The following SCRG1 variants were observed in gnomAD, a reference collection of about 807,000 sequenced individuals.
The protein encoded by SCRG1 is stimulator of chondrogenesis 1, also known as scrapie-responsive protein 1.
A neutral mutation model predicts 7.7 loss-of-function variants in SCRG1; 3 were observed. That is an observed-to-expected ratio of 0.39 (90% CI 0.18 to 1.01). The LOEUF is 1.01. SCRG1 is among the 50% of genes least tolerant of loss of function. The pLI is 0.36. For synonymous variants in SCRG1, 46 were observed against 41.2 expected (o/e 1.12, Z -0.44); for missense variants, 110 against 117.2 (o/e 0.94, Z 0.28).
chr4:173,455,455 T>C, the SCRG1 span, among the ~76,000 whole-genome samples: 1 of 152,106 alleles, frequency 6.6e-6, no homozygotes, highest in African/African-American at 2.4e-5. Context: ...GTAGTCTTTT[T>C]AATGGGAAGT....
the SCRG1 span, among the ~76,000 whole-genome samples, chr4:173,415,811 C>T: frequency 6.6e-6 from 1 of 152,222 alleles, no homozygotes; most frequent in African/African-American, 2.4e-5. Flanking sequence ...AGGATTTAAA[C>T]CAGGCCTATC....
the SCRG1 span, among the ~76,000 whole-genome samples, chr4:173,477,398 C>T: frequency 6.6e-6 from 1 of 152,164 alleles, no homozygotes; most frequent in Non-Finnish European, 1.5e-5. Flanking sequence ...CCATCTTCTT[C>T]TCTTTCCTAT....
At chr4:173,432,859 C>G in the SCRG1 span, among the ~76,000 whole-genome samples, 5 of 152,280 alleles carry the variant, frequency 3.3e-5, no homozygotes, top group Middle Eastern at 3.4e-3. Context: ...TACAGATTCA[C>G]GTAACACTAC....
At chr4:173,489,742 T>C in the SCRG1 span, among the ~76,000 whole-genome samples, 1 of 152,198 alleles carries the variant, frequency 6.6e-6, no homozygotes, top group Non-Finnish European at 1.5e-5. Context: ...TGAAAAACCA[T>C]GCTGTTTGCT....
the SCRG1 span, among the ~76,000 whole-genome samples, chr4:173,480,685 A>G: frequency 6.6e-6 from 1 of 152,214 alleles, no homozygotes; most frequent in Non-Finnish European, 1.5e-5. Context: ...TGGACTGCGT[A>G]TTATATGATA....
chr4:173,475,630 A>G, the SCRG1 span, among the ~76,000 whole-genome samples: 1 of 152,246 alleles, frequency 6.6e-6, no homozygotes, highest in Non-Finnish European at 1.5e-5. Context: ...TTAAGCAGAT[A>G]TCTATACACC....
At chr4:173,514,353 G>A in the SCRG1 span, among the ~76,000 whole-genome samples, 1 of 152,210 alleles carries the variant, frequency 6.6e-6, no homozygotes, top group African/African-American at 2.4e-5. Flanking sequence ...TTGTCTAATA[G>A]ATGTTTGAAA....
At chr4:173,419,556 G>A in the SCRG1 span, 1 of 729,980 alleles carries the variant, frequency 1.4e-6, no homozygotes, top group Non-Finnish European at 2.5e-6. Context: ...TGCTTCCGGT[G>A]TACTTCTGCA....
upstream of SCRG1, among the ~76,000 whole-genome samples, chr4:173,402,449 CT>C (rs1367802914): frequency 8.6e-4 from 14 of 16,300 alleles, no homozygotes; most frequent in South Asian, 5.0e-3. Context: ...ATTAGTATTT[CT>C]TTTTAAAAAA....
Position 173,386,550 on chromosome 4 carries a change from TG to T in SCRG1, c.*1790del, listed in dbSNP as rs1415854249. The stretch of plus-strand genomic sequence containing the variant: ...ACAGATTAGATACCAGACACTGTTT[TG>T]GGTGTGGTCTTTCAGCCCAGTAACA... On this transcript the variant is annotated 3_prime_UTR_variant, in exon 3 of 3. Coordinates refer to ENST00000296506, the MANE Select transcript of SCRG1 (RefSeq NM_007281.4). 6.6e-6 allele frequency: 1 copy of T among 152,220 alleles called. No homozygotes were observed. Among genetic ancestry groups the T allele is most frequent in the African/African-American group, 2.4e-5 (1 of 41,456 alleles). 9.4% of individuals were successfully genotyped at this position (152,220 alleles called of 1,614,324 possible).
intron 1 of SCRG1, among the ~76,000 whole-genome samples, chr4:173,396,557 T>C (rs945684463): frequency 2.0e-5 from 3 of 152,154 alleles, no homozygotes; most frequent in Admixed American, 2.0e-4. Flanking sequence ...TTCAGTGAAA[T>C]GAACAAATAA....
At chr4:173,417,099 AACAC>A in the SCRG1 span, among the ~76,000 whole-genome samples, 8 of 146,828 alleles carry the variant, frequency 5.4e-5, no homozygotes, top group East Asian at 2.0e-4. Context: ...CATCACACAC[AACAC>A]ACACACACAC....
At chr4:173,419,172 C>A in the SCRG1 span, 1 of 327,268 alleles carries the variant, frequency 3.1e-6, no homozygotes, top group East Asian at 6.5e-5. Context: ...CCAGCTCTAC[C>A]TCTTCCATCT....
chr4:173,486,417 G>A, the SCRG1 span, among the ~76,000 whole-genome samples: 1 of 151,998 alleles, frequency 6.6e-6, no homozygotes, highest in South Asian at 2.1e-4. Context: ...TGTATCGTAG[G>A]CTTTCTTGCT....
the SCRG1 span, among the ~76,000 whole-genome samples, chr4:173,471,859 C>A: frequency 6.6e-6 from 1 of 152,228 alleles, no homozygotes; most frequent in South Asian, 2.1e-4. Context: ...ATAGGCATGC[C>A]CCACCACGCC....
the SCRG1 span, among the ~76,000 whole-genome samples, chr4:173,516,535 A>T: frequency 6.6e-6 from 1 of 152,252 alleles, no homozygotes; most frequent in East Asian, 1.9e-4. Context: ...ATCATAGTTC[A>T]TAGTTCAAGG....
the SCRG1 span, among the ~76,000 whole-genome samples, chr4:173,484,262 A>G: frequency 2.2e-5 from 2 of 90,212 alleles, no homozygotes; most frequent in Non-Finnish European, 3.8e-5. Flanking sequence ...TCTATATAAT[A>G]TATATTTTAT....
chr4:173,400,927 G>T (rs554676014), upstream of SCRG1, among the ~76,000 whole-genome samples: 1 of 152,314 alleles, frequency 6.6e-6, no homozygotes, highest in African/African-American at 2.4e-5. Context: ...AGAGAACTGG[G>T]AAGGAAACTG....
the SCRG1 span, among the ~76,000 whole-genome samples, chr4:173,462,415 G>A: frequency 2.0e-5 from 3 of 152,116 alleles, no homozygotes; most frequent in Admixed American, 6.5e-5. Context: ...TATTTAAAGT[G>A]CTGAAGAAAA....
Sources: allele counts gnomAD v4.1 joint callset (sites outside exome capture counted in the v4.1 genomes callset), GRCh38; gene constraint gnomAD v4.1.1; transcripts MANE v1.5; gene names NCBI Gene and HGNC (gene_info 2026-07-23, HGNC 2026-07-21).